TMC5: variants seen among roughly 807,000 people sequenced by gnomAD.
TMC5 encodes the protein transmembrane channel-like protein 5.
In TMC5, 86 loss-of-function variants were observed where a neutral mutation model predicts 110.5. The ratio of observed to expected loss-of-function variants is 0.78; its 90% CI spans 0.65 to 0.93. The LOEUF is 0.93. Among genes scored for constraint, TMC5 ranks in the 40% least tolerant of loss-of-function variants. TMC5 has a pLI of 0.00. For missense variants in TMC5, 1,144 were observed against 1,222.8 expected, an observed-to-expected ratio of 0.94 and a Z score of 0.96; for synonymous variants, 455 against 439.5, an observed-to-expected ratio of 1.04 and a Z score of -0.44.
At chr16:19,428,232 T>A (rs1967126143) in intron 1 of TMC5, among the ~76,000 whole-genome samples, 1 of 152,184 alleles carries the variant, frequency 6.6e-6, no homozygotes, top group African/African-American at 2.4e-5. Context: ...CAAATTTTAC[T>A]TGTGAAGATT....
rs987638905 is a variant in TMC5, at chr16:19,477,482, C to G, written c.2133C>G (p.Tyr711Ter). 2 of 1,612,836 alleles carry G rather than the reference C, an allele frequency of 1.2e-6. No homozygotes were observed. The highest frequency in any genetic ancestry group is 1.7e-6 in the Non-Finnish European group (2 of 1,179,308). The change falls in exon 13 of 22, where the codon TAC (tyrosine) becomes TAG (stop). Residue 711 changes from tyrosine (Y) to a stop codon, truncating the protein, a stop_gained. Transcript: ENST00000542583. LOFTEE classifies it high-confidence loss of function. ...TATCAATCATTGGCATTCTTTGTTA[C>G]TATTGGCTCAACACCGTGGCCCTGT... ...LKISIIGILC[Y>*]YWLNTVALSG... is the part of the protein sequence containing the mutation.
intron 18 of TMC5, among the ~76,000 whole-genome samples, chr16:19,491,834 G>A (rs1043718840): frequency 2.3e-5 from 3 of 129,772 alleles, no homozygotes; most frequent in Non-Finnish European, 5.2e-5. Flanking sequence ...ACCGTGCTGG[G>A]TCATCTTAGG....
chr16:19,452,574 G>A (rs577422176), intron 5 of TMC5, among the ~76,000 whole-genome samples: 18 of 152,252 alleles, frequency 1.2e-4, no homozygotes, highest in African/African-American at 3.6e-4. Flanking sequence ...AAAATTAGCC[G>A]GGCATGGTGG....
intron 16 of TMC5, 86 bp from the exon 17 acceptor site, chr16:19,487,107 A>G: frequency 6.2e-7 from 1 of 1,607,894 alleles, no homozygotes; most frequent in Non-Finnish European, 8.5e-7. Context: ...GGGGCTCTGC[A>G]AAGGTGTCAG....
intron 10 of TMC5, among the ~76,000 whole-genome samples, chr16:19,470,790 T>C (rs1968320471): frequency 1.4e-5 from 2 of 144,558 alleles, no homozygotes; most frequent in African/African-American, 5.1e-5. Flanking sequence ...TCCCAGCAAT[T>C]TGGGAGGACG....
At chr16:19,455,580 G>A (rs559332564) in intron 5 of TMC5, among the ~76,000 whole-genome samples, 3 of 152,244 alleles carry the variant, frequency 2.0e-5, no homozygotes, top group South Asian at 4.2e-4. Flanking sequence ...GTGAACGTTC[G>A]TTCTCTTCTT....
In TMC5 at chr16:19,444,356, C is replaced by T. The variant is rs1358480261; in HGVS notation, c.958+106C>T. The T allele has an allele frequency of 8.9e-6, 9 of 1,010,788 alleles. No individual in the cohort carries two copies. In the East Asian group the frequency reaches 1.5e-4, roughly 17 times the overall value. 62.6% of individuals were successfully genotyped at this position (1,010,788 alleles called of 1,614,324 possible). A position where few individuals can be genotyped will look rare whatever the true frequency, so the allele number is the denominator to read the frequency against. On this transcript the variant is annotated intron_variant, in intron 4 of 21. Transcript: ENST00000542583. ...TTGGCAATAGGAGAATTGGTGTATC[C>T]TTCCAATCTCAGAGACCCTTGTTTT...
chr16:19,479,643 T>G, intron 14 of TMC5, 115 bp downstream of exon 14: 4 of 751,738 alleles, frequency 5.3e-6, no homozygotes, highest in Non-Finnish European at 9.2e-6. Context: ...TTGTTCCAAG[T>G]CTGCCTGTTG....
intron 19 of TMC5, among the ~76,000 whole-genome samples, chr16:19,493,466 T>TCTCTCTCTCTTTC (rs563230178): frequency 1.9e-4 from 24 of 124,502 alleles, no homozygotes; most frequent in Non-Finnish European, 2.5e-4. Flanking sequence ...TCTCTCTCTC[T>TCTCTCTCTCTTTC]TTTTTTTTTT....
At chr16:19,466,443 C>T (rs1968191923) in intron 9 of TMC5, among the ~76,000 whole-genome samples, 1 of 152,164 alleles carries the variant, frequency 6.6e-6, no homozygotes, top group Non-Finnish European at 1.5e-5. Flanking sequence ...CCTCCACCTC[C>T]CAGGTTCAAG....
At chr16:19,427,958 A>G (rs958501632) in intron 1 of TMC5, among the ~76,000 whole-genome samples, 3 of 152,198 alleles carry the variant, frequency 2.0e-5, no homozygotes, top group Non-Finnish European at 4.4e-5. Context: ...TGCATCGACC[A>G]GCTTTACATC....
At chr16:19,427,362 G>T (rs768618109) in intron 1 of TMC5, among the ~76,000 whole-genome samples, 2 of 152,168 alleles carry the variant, frequency 1.3e-5, no homozygotes, top group Non-Finnish European at 2.9e-5. Context: ...TGAGACGCAG[G>T]AATCACTTGA....
chr16:19,488,709 C>CA (rs1281841229), intron 17 of TMC5, among the ~76,000 whole-genome samples: 1 of 152,150 alleles, frequency 6.6e-6, no homozygotes, highest in Admixed American at 6.5e-5. Context: ...CTCAGTTCCC[C>CA]ACTGCTTCTC....
chr16:19,453,513 C>T (rs1373766998), intron 5 of TMC5, among the ~76,000 whole-genome samples: 3 of 151,500 alleles, frequency 2.0e-5, no homozygotes, highest in Admixed American at 6.6e-5. Context: ...CACTTGAACC[C>T]GGGAGGCGGA....
At chr16:19,413,454 G>A (rs11859862), upstream of TMC5, among the ~76,000 whole-genome samples, 77,797 of 147,198 alleles carry the variant, frequency 0.53, 22,012 homozygotes, top group South Asian at 0.72. Flanking sequence ...AGCCCGGGAG[G>A]CAGAGATTGC....
chr16:19,447,140 C>T (rs62026170), intron 4 of TMC5, among the ~76,000 whole-genome samples: 86 of 152,244 alleles, frequency 5.6e-4, no homozygotes, highest in African/African-American at 2.0e-3. Context: ...TTTCTTCTTA[C>T]GGGTCTGCAA....
At chr16:19,445,550 T>G (rs1039594602) in intron 4 of TMC5, among the ~76,000 whole-genome samples, 1 of 151,970 alleles carries the variant, frequency 6.6e-6, no homozygotes, top group East Asian at 1.9e-4. Context: ...TGAACAGTTC[T>G]TACTTTCTAG....
In TMC5 at chr16:19,460,226, C is replaced by A. The variant is rs201163392; in HGVS notation, c.1049-9C>A. 82 of 1,592,904 alleles carry A rather than the reference C, an allele frequency of 5.1e-5. No individual in the cohort carries two copies. Among genetic ancestry groups the A allele is most frequent in the Non-Finnish European group, 5.1e-6 (6 of 1,167,520 alleles). The stretch of plus-strand genomic sequence containing the variant: ...AAAAGAAATTAAATTCCATTAATTT[C>A]TTTCATAGGACAGAAGTTAATCGCA... On this transcript the variant is annotated splice_polypyrimidine_tract_variant and intron_variant, in intron 5 of 21. Coordinates refer to ENST00000542583, the MANE Select transcript of TMC5 (RefSeq NM_001261841.2).
chr16:19,487,429 C>G, intron 17 of TMC5, 103 bp downstream of exon 17: 1 of 1,431,790 alleles, frequency 7.0e-7, no homozygotes, highest in South Asian at 1.4e-5. Context: ...AGGCCGGGTG[C>G]AGTGGCTCAC....
Sources: gnomAD v4.1 joint callset for allele counts (sites outside exome capture counted in the v4.1 genomes callset) on GRCh38, gnomAD v4.1.1 for gene constraint, MANE v1.5 for transcripts, NCBI Gene and HGNC (gene_info 2026-07-23, HGNC 2026-07-21) for gene names.